The following PLA2G4A variants were observed in gnomAD, a reference collection of about 807,000 sequenced individuals.
PLA2G4A encodes cytosolic phospholipase A2.
Under a neutral mutation model 81.9 loss-of-function variants are expected in PLA2G4A, and 40 were observed. The ratio of observed to expected loss-of-function variants is 0.49; its 90% CI spans 0.38 to 0.64. PLA2G4A has a LOEUF of 0.64. PLA2G4A is among the 30% of genes least tolerant of loss of function. PLA2G4A has a pLI of 0.00. For synonymous variants in PLA2G4A, 302 were observed against 296.9 expected (o/e 1.02, Z -0.18); for missense variants, 715 against 905.1 (o/e 0.79, Z 2.69).
intron 3 of PLA2G4A, 37 bp downstream of exon 3, chr1:186,870,553 A>G (rs985952203): frequency 7.1e-6 from 10 of 1,406,068 alleles, no homozygotes; most frequent in Non-Finnish European, 1.0e-5. Flanking sequence ...TAAACATGTA[A>G]TTATGGTTCA....
chr1:186,986,544 C>T (rs1657897130), intron 17 of PLA2G4A, among the ~76,000 whole-genome samples: 2 of 152,246 alleles, frequency 1.3e-5, no homozygotes, highest in South Asian at 2.1e-4. Flanking sequence ...ATATAATAAG[C>T]TCATTCTTGG....
intron 14 of PLA2G4A, among the ~76,000 whole-genome samples, chr1:186,962,248 C>A (rs1656971362): frequency 1.3e-5 from 2 of 151,962 alleles, no homozygotes; most frequent in Admixed American, 1.3e-4. Flanking sequence ...TAACCTGTAT[C>A]ATGGGTATGC....
intron 2 of PLA2G4A, among the ~76,000 whole-genome samples, chr1:186,863,951 G>A (rs1368349192): frequency 6.6e-6 from 1 of 151,864 alleles, no homozygotes; most frequent in African/African-American, 2.4e-5. Context: ...TAGTAGAGAT[G>A]GGGTTTCACC....
At chr1:186,901,082 C>T (rs1417503729) in intron 5 of PLA2G4A, among the ~76,000 whole-genome samples, 1 of 152,088 alleles carries the variant, frequency 6.6e-6, no homozygotes, top group African/African-American at 2.4e-5. Flanking sequence ...TGTTTGAAAA[C>T]AAAGAGGGCA....
intron 7 of PLA2G4A, among the ~76,000 whole-genome samples, 164 bp from the exon 8 acceptor site, chr1:186,932,599 C>T (rs1015568625): frequency 4.8e-5 from 6 of 126,252 alleles, no homozygotes; most frequent in African/African-American, 1.5e-4. Context: ...CTGCACCCGG[C>T]CTTATTTTCT....
At chr1:186,898,797 T>C (rs1654438334) in intron 5 of PLA2G4A, among the ~76,000 whole-genome samples, 1 of 152,194 alleles carries the variant, frequency 6.6e-6, no homozygotes, top group Non-Finnish European at 1.5e-5. Flanking sequence ...AACAGTATAC[T>C]TTACCCCTAC....
chr1:186,968,824 A>G lies in PLA2G4A; in HGVS notation c.1764+3231A>G, dbSNP rs181619528. ...TTCTAGAGAAGCTTCATCAATTTACATTACTATGTCTAATTATATATTTGA... is the reference window on the plus strand; with the variant it reads ...TTCTAGAGAAGCTTCATCAATTTACGTTACTATGTCTAATTATATATTTGA... On this transcript the variant is annotated intron_variant, in intron 15 of 17. Coordinates refer to ENST00000367466, the MANE Select transcript of PLA2G4A (RefSeq NM_024420.3). 2.5e-3 allele frequency among the ~76,000 whole-genome samples: 384 copies of G among 151,826 alleles called. 3 individuals carry two copies. The East Asian group carries it at 0.026, about 10-fold the overall frequency.
chr1:186,855,081 TATC>T (rs1192310721), intron 2 of PLA2G4A, among the ~76,000 whole-genome samples: 1 of 152,022 alleles, frequency 6.6e-6, no homozygotes, highest in East Asian at 1.9e-4. Flanking sequence ...CATTTCTAGA[TATC>T]ATCCTCTTTC....
At chr1:186,891,676 A>G (rs1217866137) in intron 3 of PLA2G4A, among the ~76,000 whole-genome samples, 2 of 152,218 alleles carry the variant, frequency 1.3e-5, no homozygotes, top group Non-Finnish European at 2.9e-5. Flanking sequence ...TATATGTAAC[A>G]CATTTTATTT....
rs764568411 is a variant in PLA2G4A at position 186,882,132 on chromosome 1, A to G, written c.116-10879A>G. Among the ~76,000 whole-genome samples, 71 of 152,150 alleles carry G rather than the reference A, an allele frequency of 4.7e-4. 1 individual carries two copies. Among genetic ancestry groups the G allele is most frequent in the Non-Finnish European group, 2.4e-4 (16 of 68,022 alleles). Reference sequence around the variant, plus strand: ...CAATTTCTTCACCTCTGATGGAAATAATAATACCTAATCAGCAGGTTGAAG... The same window carrying G: ...CAATTTCTTCACCTCTGATGGAAATGATAATACCTAATCAGCAGGTTGAAG... On this transcript the variant is annotated intron_variant, in intron 3 of 17. Coordinates refer to ENST00000367466, the MANE Select transcript of PLA2G4A (RefSeq NM_024420.3).
intron 13 of PLA2G4A, among the ~76,000 whole-genome samples, chr1:186,953,852 G>A (rs1018541394): frequency 6.6e-6 from 1 of 152,198 alleles, no homozygotes; most frequent in Non-Finnish European, 1.5e-5. Flanking sequence ...AGTAAGAAGC[G>A]ACAGCCCCAA....
At chr1:186,985,725 G>A (rs1046865745) in intron 17 of PLA2G4A, among the ~76,000 whole-genome samples, 3 of 152,070 alleles carry the variant, frequency 2.0e-5, no homozygotes, top group Non-Finnish European at 4.4e-5. Flanking sequence ...AATGGCACAA[G>A]TGAAAGATGA....
chr1:186,958,904 T>C (rs925168262), intron 14 of PLA2G4A, among the ~76,000 whole-genome samples: 6 of 152,148 alleles, frequency 3.9e-5, no homozygotes, highest in Non-Finnish European at 7.4e-5. Context: ...TTTAAATATG[T>C]ATATGGATAA....
intron 3 of PLA2G4A, among the ~76,000 whole-genome samples, chr1:186,885,029 A>G (rs1653883016): frequency 6.6e-6 from 1 of 152,138 alleles, no homozygotes; most frequent in Admixed American, 6.6e-5. Flanking sequence ...GAAGAGGCCA[A>G]TAATCCAGCA....
At chr1:186,914,115 G>C (rs1010593531) in intron 7 of PLA2G4A, among the ~76,000 whole-genome samples, 7 of 151,872 alleles carry the variant, frequency 4.6e-5, no homozygotes, top group African/African-American at 1.7e-4. Context: ...TTTGAGACAG[G>C]GTTTTGCTTT....
intron 1 of PLA2G4A, among the ~76,000 whole-genome samples, chr1:186,850,806 T>C (rs1652345944): frequency 6.6e-6 from 1 of 152,114 alleles, no homozygotes; most frequent in African/African-American, 2.4e-5. Context: ...GGTATACACC[T>C]GTCTGATTCA....
At chr1:186,885,813 A>G (rs1476519388) in intron 3 of PLA2G4A, among the ~76,000 whole-genome samples, 1 of 152,144 alleles carries the variant, frequency 6.6e-6, no homozygotes, top group Non-Finnish European at 1.5e-5. Flanking sequence ...TTAAAGAGAG[A>G]ATTACTGAAC....
At chr1:186,855,625 A>G (rs1237137285) in intron 2 of PLA2G4A, among the ~76,000 whole-genome samples, 2 of 151,926 alleles carry the variant, frequency 1.3e-5, no homozygotes, top group African/African-American at 2.4e-5. Context: ...TGACCTTCAT[A>G]TACATTTCTG....
intron 15 of PLA2G4A, among the ~76,000 whole-genome samples, chr1:186,972,727 A>T (rs1229262081): frequency 6.6e-6 from 1 of 152,148 alleles, no homozygotes; most frequent in Non-Finnish European, 1.5e-5. Flanking sequence ...GAAAGAGGAA[A>T]TGAGGGAAGG....
Sources: allele counts gnomAD v4.1 joint callset (sites outside exome capture counted in the v4.1 genomes callset), GRCh38; gene constraint gnomAD v4.1.1; transcripts MANE v1.5; gene names NCBI Gene and HGNC (gene_info 2026-07-23, HGNC 2026-07-21).